Variants in UBE3A observed in about 807,000 individuals in gnomAD.
UBE3A encodes the protein ubiquitin protein ligase E3A.
Under a neutral mutation model 83.4 loss-of-function variants are expected in UBE3A, and 6 were observed. The observed-to-expected ratio is 0.07, with a 90% CI of 0.04 to 0.14. UBE3A has a LOEUF of 0.14. UBE3A is among the 10% of genes least tolerant of loss of function. UBE3A has a pLI of 1.00. For synonymous variants in UBE3A, 337 were observed against 355.4 expected, an observed-to-expected ratio of 0.95 and a Z score of 0.58; for missense variants, 456 against 1,036.1, an observed-to-expected ratio of 0.44 and a Z score of 7.69.
intron 4 of UBE3A, among the ~76,000 whole-genome samples, chr15:25,382,393 T>A (rs1215224452): frequency 7.0e-6 from 1 of 143,360 alleles, no homozygotes; most frequent in African/African-American, 2.8e-5. Context: ...GCGTGATATA[T>A]GATAAAAAAA....
intron 4 of UBE3A, among the ~76,000 whole-genome samples, chr15:25,402,036 C>T (rs1263151291): frequency 2.6e-5 from 4 of 152,178 alleles, no homozygotes; most frequent in Non-Finnish European, 5.9e-5. Context: ...GTTCATATAT[C>T]TCCATTTCTT....
intron 11 of UBE3A, chr15:25,347,089 G>A (rs2075801193): frequency 1.3e-5 from 2 of 152,162 alleles, no homozygotes; most frequent in Admixed American, 1.3e-4. Flanking sequence ...CTCACTAGCA[G>A]AACTGCCTTT....
chr15:25,400,861 C>T (rs1352896847), intron 4 of UBE3A, among the ~76,000 whole-genome samples: 1 of 152,164 alleles, frequency 6.6e-6, no homozygotes, highest in Non-Finnish European at 1.5e-5. Context: ...CAAAAGTGGG[C>T]ATTCTCGTTT....
Position 25,438,450 on chromosome 15 carries a change from GAGCCAGCGCCGCCTGGCGC to G in UBE3A, c.-165+20_-165+38del, listed in dbSNP as rs1445838714. ...CGAAGGCCGGCCGAGTGACGGAGGG[GAGCCAGCGCCGCCTGGCGC>G]AGGCCGCGGCAACACTGACCTGTCG... is the stretch of plus-strand genomic sequence containing the variant. On this transcript the variant is annotated intron_variant, in intron 1 of 12. Transcript: ENST00000648336. 1 of 152,218 alleles carries G rather than the reference GAGCCAGCGCCGCCTGGCGC, an allele frequency of 6.6e-6. No individual in the cohort carries two copies. Among genetic ancestry groups the G allele is most frequent in the Non-Finnish European group, 1.5e-5 (1 of 68,086 alleles). 9.4% of individuals were successfully genotyped at this position (152,218 alleles called of 1,614,324 possible). A position where few individuals can be genotyped will look rare whatever the true frequency, so the allele number is the denominator to read the frequency against.
At position 25,362,538 on chromosome 15, in the gene UBE3A, G is replaced by C. The variant is rs762806700; in HGVS notation, c.1609-2011C>G. 8.9e-4 allele frequency among the ~76,000 whole-genome samples: 136 copies of C among 152,092 alleles called. 4 individuals carry two copies. Among genetic ancestry groups the C allele is most frequent in the Non-Finnish European group, 7.8e-4 (53 of 68,016 alleles). On this transcript the variant is annotated intron_variant, in intron 6 of 12. Transcript: ENST00000648336. ...GAGTGTTACCTTTTAAAATAGTTTT[G>C]CTCTCTGAACAACAGATTTGCAATT... is the stretch of plus-strand genomic sequence containing the variant.
intron 1 of UBE3A, among the ~76,000 whole-genome samples, chr15:25,426,052 G>A (rs1891233804): frequency 6.6e-6 from 1 of 151,894 alleles, no homozygotes; most frequent in Admixed American, 6.6e-5. Context: ...AATAAGGTAT[G>A]TTTATTTCTT....
At chr15:25,350,245 A>AATC (rs2076294855) in intron 11 of UBE3A, among the ~76,000 whole-genome samples, 2 of 152,038 alleles carry the variant, frequency 1.3e-5, no homozygotes, top group African/African-American at 4.8e-5. Context: ...AGTTTATAAC[A>AATC]ATCTGTAGTC....
chr15:25,364,618 C>T (rs1475999584), intron 6 of UBE3A, among the ~76,000 whole-genome samples: 1 of 150,116 alleles, frequency 6.7e-6, no homozygotes, highest in Non-Finnish European at 1.5e-5. Context: ...ACAATACACA[C>T]GTGGATTTTT....
At chr15:25,406,789 CTTT>C (rs1449181809) in intron 3 of UBE3A, among the ~76,000 whole-genome samples, 2 of 141,478 alleles carry the variant, frequency 1.4e-5, no homozygotes, top group Admixed American at 7.4e-5. Context: ...CCCCTCACTT[CTTT>C]ATCAGACTCT....
intron 6 of UBE3A, among the ~76,000 whole-genome samples, chr15:25,361,126 CTTT>C (rs10713541): frequency 2.7e-4 from 31 of 115,362 alleles, no homozygotes; most frequent in Admixed American, 2.7e-4. Context: ...TGTCCTTACT[CTTT>C]TTTTTTTTTT....
At chr15:25,340,845 A>G (rs2074623839) in intron 11 of UBE3A, among the ~76,000 whole-genome samples, 1 of 152,210 alleles carries the variant, frequency 6.6e-6, no homozygotes, top group Non-Finnish European at 1.5e-5. Flanking sequence ...TGTGCTGTGT[A>G]TGGAGGAGGA....
intron 11 of UBE3A, among the ~76,000 whole-genome samples, chr15:25,348,520 T>C (rs1386383169): frequency 2.0e-5 from 3 of 152,106 alleles, no homozygotes; most frequent in South Asian, 2.1e-4. Flanking sequence ...AACATAAACA[T>C]TGGAAAGAAA....
At chr15:25,341,778 C>A (rs2074869619) in intron 11 of UBE3A, among the ~76,000 whole-genome samples, 9 of 107,910 alleles carry the variant, frequency 8.3e-5, no homozygotes, top group South Asian at 3.1e-4. Context: ...AAAAAAATTT[C>A]ATCTCAAAAA....
At chr15:25,402,337 C>A (rs770414059) in intron 4 of UBE3A, among the ~76,000 whole-genome samples, 1 of 152,158 alleles carries the variant, frequency 6.6e-6, no homozygotes, top group Non-Finnish European at 1.5e-5. Context: ...CTAGAGTGAG[C>A]CTGAACCTTG....
intron 11 of UBE3A, among the ~76,000 whole-genome samples, chr15:25,351,512 C>T (rs1277052830): frequency 6.6e-6 from 1 of 152,170 alleles, no homozygotes; most frequent in Non-Finnish European, 1.5e-5. Context: ...CTCTGTTGCC[C>T]AGGCTGGAGT....
At chr15:25,363,117 A>T (rs1228944885) in intron 6 of UBE3A, among the ~76,000 whole-genome samples, 1 of 152,156 alleles carries the variant, frequency 6.6e-6, no homozygotes, top group East Asian at 1.9e-4. Context: ...ATTCTCCATA[A>T]AATATTACAT....
At chr15:25,385,564 A>G (rs564402470) in intron 4 of UBE3A, among the ~76,000 whole-genome samples, 4 of 152,256 alleles carry the variant, frequency 2.6e-5, no homozygotes, top group Admixed American at 6.5e-5. Context: ...AAATAGAATT[A>G]CCTCCAGTTC....
At chr15:25,385,139 CA>C (rs2082883107) in intron 4 of UBE3A, among the ~76,000 whole-genome samples, 1 of 152,128 alleles carries the variant, frequency 6.6e-6, no homozygotes, top group African/African-American at 2.4e-5. Context: ...TTCTACAAAG[CA>C]AACAGTAAAT....
intron 4 of UBE3A, among the ~76,000 whole-genome samples, chr15:25,388,027 T>G (rs2083494103): frequency 6.6e-6 from 1 of 152,290 alleles, no homozygotes. Flanking sequence ...TGAATTCTAC[T>G]AAACATTTAA....
Sources: gnomAD v4.1 joint callset for allele counts (sites outside exome capture counted in the v4.1 genomes callset) on GRCh38, gnomAD v4.1.1 for gene constraint, MANE v1.5 for transcripts, NCBI Gene and HGNC (gene_info 2026-07-23, HGNC 2026-07-21) for gene names.